Variants in NRG1 observed in about 807,000 individuals in gnomAD.
NRG1 encodes neuregulin 1.
Under a neutral mutation model 63.8 loss-of-function variants are expected in NRG1, and 18 were observed. The ratio of observed to expected loss-of-function variants is 0.28; its 90% CI spans 0.19 to 0.42. The LOEUF (loss-of-function observed/expected upper bound fraction) is 0.42. Ranked by LOEUF, NRG1 falls within the 10% of genes least tolerant of loss-of-function variation. The pLI is 1.00. For synonymous variants in NRG1, 302 were observed against 301.3 expected, an observed-to-expected ratio of 1.00 and a Z score of -0.02; for missense variants, 762 against 814.7, an observed-to-expected ratio of 0.94 and a Z score of 0.79.
In NRG1 at chr8:31,785,691, G is replaced by C. The variant is rs182037624; in HGVS notation, c.37+146260G>C. Among the ~76,000 whole-genome samples, 16 of 152,022 alleles carry C rather than the reference G, an allele frequency of 1.1e-4. No homozygotes were observed. The East Asian group carries it at 2.7e-3, about 26-fold the overall frequency. ...AAATTGAAAATTACTTTCTATGTGT[G>C]GTTAAAAAAATCTTGCATTATTTTT... On this transcript the variant is annotated intron_variant, in intron 1 of 10. Transcript: ENST00000519301.
chr8:31,841,311 G>A (rs966995683), intron 1 of NRG1, among the ~76,000 whole-genome samples: 2 of 152,060 alleles, frequency 1.3e-5, no homozygotes, highest in Admixed American at 1.3e-4. Flanking sequence ...GAACTTCTGT[G>A]GTTTAGAGTG....
chr8:32,233,558 TA>T (rs1371868004), intron 1 of NRG1, among the ~76,000 whole-genome samples: 59 of 65,952 alleles, frequency 8.9e-4, no homozygotes, highest in African/African-American at 1.8e-3. Context: ...TATATATATA[TA>T]TATATTTTTT....
intron 1 of NRG1, among the ~76,000 whole-genome samples, chr8:32,532,951 A>C (rs1258884040): frequency 6.6e-6 from 1 of 151,914 alleles, no homozygotes; most frequent in Non-Finnish European, 1.5e-5. Context: ...TGGTTTTTTT[A>C]ATATTCATGT....
chr8:31,987,307 A>C lies in NRG1; in HGVS notation c.37+347876A>C, dbSNP rs113362862. On this transcript the variant is annotated intron_variant, in intron 1 of 10. Transcript: ENST00000519301. ...GAGTGAGACTGTCTCAAAAAAAAAA[A>C]AAAAACATATATATGTGTGTGTGTG... Among the ~76,000 whole-genome samples, 23 of 132,084 alleles carry C rather than the reference A, an allele frequency of 1.7e-4. No homozygotes were observed. In the East Asian group the frequency reaches 3.2e-3, roughly 18 times the overall value. The allele number at this position is 132,084 out of a possible 152,430, so 86.7% of individuals were successfully genotyped here.
chr8:31,919,118 A>G lies in NRG1; in HGVS notation c.37+279687A>G, dbSNP rs548487904. Among the ~76,000 whole-genome samples, 625 of 152,010 alleles carry G rather than the reference A, an allele frequency of 4.1e-3. 5 individuals are homozygous for G. Among genetic ancestry groups the G allele is most frequent in the African/African-American group, 0.015 (602 of 41,484 alleles). On this transcript the variant is annotated intron_variant, in intron 1 of 10. Transcript: ENST00000519301. ...TTTTTTCTTTATTAGTCTTGCTAGC[A>G]GTCTATCAATTTTGTTGATCCTTTC...
intron 1 of NRG1, among the ~76,000 whole-genome samples, chr8:31,765,647 T>C (rs1817984098): frequency 6.6e-6 from 1 of 152,184 alleles, no homozygotes; most frequent in Non-Finnish European, 1.5e-5. Context: ...TTTCATATCA[T>C]TCTGTGTTCC....
chr8:32,244,210 C>T (rs1848401329), intron 1 of NRG1, among the ~76,000 whole-genome samples: 1 of 152,122 alleles, frequency 6.6e-6, no homozygotes, highest in Non-Finnish European at 1.5e-5. Context: ...CGTAGACTTG[C>T]TATCTTTATA....
chr8:32,195,599 A>G (rs903527790), intron 1 of NRG1, among the ~76,000 whole-genome samples: 27 of 152,172 alleles, frequency 1.8e-4, no homozygotes, highest in African/African-American at 6.0e-4. Context: ...GGCCAACAGT[A>G]TAGAACCAGA....
intron 1 of NRG1, among the ~76,000 whole-genome samples, chr8:31,772,160 A>G (rs935134687): frequency 6.6e-6 from 1 of 152,160 alleles, no homozygotes; most frequent in Non-Finnish European, 1.5e-5. Context: ...TCTCTTCCAC[A>G]TTGGGAAAAA....
At chr8:32,209,810 G>C (rs1844500663) in intron 1 of NRG1, among the ~76,000 whole-genome samples, 1 of 148,416 alleles carries the variant, frequency 6.7e-6, no homozygotes, top group South Asian at 2.1e-4. Flanking sequence ...AGTTACATTA[G>C]AGGACAGGAA....
chr8:32,536,922 CAAAAAAAAA>C (rs35265022), intron 1 of NRG1, among the ~76,000 whole-genome samples: 5 of 35,912 alleles, frequency 1.4e-4, no homozygotes, highest in South Asian at 2.0e-3. Flanking sequence ...GACTCCGTCT[CAAAAAAAAA>C]AAAAAAAAAA....
chr8:31,853,217 A>C (rs113433486), intron 1 of NRG1, among the ~76,000 whole-genome samples: 3,143 of 152,184 alleles, frequency 0.021, 103 homozygotes, highest in African/African-American at 0.07. Context: ...GGTCATTTTC[A>C]CGATATTGAT....
At chr8:32,152,203 G>C (rs1259423530) in intron 1 of NRG1, among the ~76,000 whole-genome samples, 1 of 152,220 alleles carries the variant, frequency 6.6e-6, no homozygotes, top group Non-Finnish European at 1.5e-5. Flanking sequence ...GGTCTTCATA[G>C]GGAGATAGCT....
At chr8:31,846,807 T>C (rs1269403257) in intron 1 of NRG1, among the ~76,000 whole-genome samples, 1 of 152,164 alleles carries the variant, frequency 6.6e-6, no homozygotes, top group Non-Finnish European at 1.5e-5. Flanking sequence ...ATAATGAATA[T>C]TAAACATGAT....
chr8:32,461,094 A>G (rs1474931834), intron 1 of NRG1, among the ~76,000 whole-genome samples: 13 of 152,154 alleles, frequency 8.5e-5, no homozygotes, highest in Admixed American at 8.5e-4. Flanking sequence ...CTCTATTCTC[A>G]GTAAAATAGA....
chr8:31,684,383 C>A lies in NRG1; in HGVS notation c.37+44952C>A, dbSNP rs965686363. Among the ~76,000 whole-genome samples, 35 of 152,166 alleles carry A rather than the reference C, an allele frequency of 2.3e-4. 1 individual carries two copies. Among genetic ancestry groups the A allele is most frequent in the Non-Finnish European group, 4.9e-4 (33 of 68,036 alleles). On this transcript the variant is annotated intron_variant, in intron 1 of 10. Coordinates refer to the NRG1 transcript ENST00000519301. ...TCTTTGGCCCATCAATCTCTTCTGC[C>A]ATGTGAAAACATAGCATCAAGGTGC...
chr8:32,465,588 T>TA (rs11383463), intron 1 of NRG1, among the ~76,000 whole-genome samples: 38,841 of 152,134 alleles, frequency 0.26, 5,939 homozygotes, highest in East Asian at 0.72. Flanking sequence ...AAGACATTAA[T>TA]AAAAAACACC....
chr8:31,923,952 C>T (rs1834124169), intron 1 of NRG1, among the ~76,000 whole-genome samples: 1 of 152,142 alleles, frequency 6.6e-6, no homozygotes, highest in South Asian at 2.1e-4. Flanking sequence ...ATTTAGCTCC[C>T]ATTTATAAGT....
intron 1 of NRG1, among the ~76,000 whole-genome samples, chr8:31,746,781 A>T (rs952357137): frequency 2.0e-5 from 3 of 151,968 alleles, no homozygotes; most frequent in African/African-American, 7.2e-5. Context: ...AGTTGAATGG[A>T]TAAAGAAAAT....
Sources: allele counts gnomAD v4.1 joint callset (sites outside exome capture counted in the v4.1 genomes callset), GRCh38; gene constraint gnomAD v4.1.1; transcripts MANE v1.5; gene names NCBI Gene and HGNC (gene_info 2026-07-23, HGNC 2026-07-21).